ACTR3C: variants seen among roughly 807,000 people sequenced by gnomAD.
The protein encoded by ACTR3C is actin related protein 3C, also known as actin-related protein 3C.
ACTR3C carries 18 observed loss-of-function variants against 26.3 expected under a neutral mutation model. The observed-to-expected ratio is 0.68, with a 90% confidence interval of 0.47 to 1.01. The LOEUF is 1.01. ACTR3C is among the 50% of genes least tolerant of loss of function. ACTR3C has a pLI of 0.00. For missense variants in ACTR3C, 184 were observed against 250.7 expected, an observed-to-expected ratio of 0.73 and a Z score of 1.80; for synonymous variants, 55 against 94.5, an observed-to-expected ratio of 0.58 and a Z score of 2.42.
chr7:149,957,910 A>T, the ACTR3C span, among the ~76,000 whole-genome samples: 1 of 152,046 alleles, frequency 6.6e-6, no homozygotes, highest in Admixed American at 6.5e-5. Flanking sequence ...GCATAAATGG[A>T]TTCACAGTAA....
the ACTR3C span, among the ~76,000 whole-genome samples, chr7:149,897,010 G>A: frequency 6.8e-6 from 1 of 147,096 alleles, no homozygotes; most frequent in South Asian, 2.2e-4. Flanking sequence ...GCAGTGAGCT[G>A]AGATCGCGCC....
chr7:150,169,442 T>C, the ACTR3C span, among the ~76,000 whole-genome samples: 1 of 147,570 alleles, frequency 6.8e-6, no homozygotes, highest in Non-Finnish European at 1.5e-5. Context: ...GCTCCCTCTC[T>C]CTACCTTATG....
chr7:149,966,777 C>G, the ACTR3C span, among the ~76,000 whole-genome samples: 1 of 152,304 alleles, frequency 6.6e-6, no homozygotes, highest in East Asian at 1.9e-4. Context: ...TCACACACCC[C>G]TCACTAGTTC....
chr7:149,985,628 A>C, the ACTR3C span, among the ~76,000 whole-genome samples: 1 of 152,222 alleles, frequency 6.6e-6, no homozygotes, highest in Non-Finnish European at 1.5e-5. Context: ...GATCACTGGA[A>C]TCCTGGCAGT....
chr7:150,011,392 C>T, the ACTR3C span, among the ~76,000 whole-genome samples: 2 of 152,028 alleles, frequency 1.3e-5, no homozygotes, highest in African/African-American at 4.8e-5. Flanking sequence ...CAAGACGAGC[C>T]TGGCCAACAT....
chr7:150,149,101 A>AG, the ACTR3C span, among the ~76,000 whole-genome samples: 11 of 129,684 alleles, frequency 8.5e-5, no homozygotes, highest in South Asian at 2.6e-3. Flanking sequence ...ATATATATAT[A>AG]TATATATATA....
chr7:149,959,185 AG>A, the ACTR3C span, among the ~76,000 whole-genome samples: 1 of 151,698 alleles, frequency 6.6e-6, no homozygotes, highest in African/African-American at 2.4e-5. Context: ...TGTTAATCCA[AG>A]GGGCTTGGGC....
chr7:149,972,256 T>G, the ACTR3C span, among the ~76,000 whole-genome samples: 1 of 152,262 alleles, frequency 6.6e-6, no homozygotes, highest in South Asian at 2.1e-4. Flanking sequence ...GATGCCATCA[T>G]ACTTCTTTCT....
intron 4 of ACTR3C, among the ~76,000 whole-genome samples, chr7:150,287,392 G>A (rs1344364571): frequency 2.0e-5 from 3 of 152,210 alleles, no homozygotes; most frequent in African/African-American, 4.8e-5. Context: ...GAGAGAAGTC[G>A]CTAACGATTC....
the ACTR3C span, among the ~76,000 whole-genome samples, chr7:149,911,948 T>C: frequency 6.7e-6 from 1 of 149,226 alleles, no homozygotes; most frequent in African/African-American, 2.5e-5. Context: ...AGTTCGAGGT[T>C]GCAGTGAACT....
intron 1 of ACTR3C, among the ~76,000 whole-genome samples, chr7:150,316,760 A>G (rs879565661): frequency 2.6e-5 from 4 of 152,214 alleles, no homozygotes; most frequent in Non-Finnish European, 4.4e-5. Flanking sequence ...CTGGGATTAC[A>G]GGCATGAGCC....
At chr7:150,227,538 T>G in the ACTR3C span, among the ~76,000 whole-genome samples, 10 of 151,826 alleles carry the variant, frequency 6.6e-5, no homozygotes, top group East Asian at 1.9e-3. Context: ...TCATGGATCA[T>G]GATTTTGCTG....
the ACTR3C span, among the ~76,000 whole-genome samples, chr7:150,064,329 C>T: frequency 3.4e-5 from 5 of 147,220 alleles, no homozygotes; most frequent in South Asian, 4.6e-4. Flanking sequence ...CTGAGGTGGG[C>T]GGATCACCTG....
chr7:149,894,524 G>T, the ACTR3C span, among the ~76,000 whole-genome samples: 1 of 151,792 alleles, frequency 6.6e-6, no homozygotes, highest in Admixed American at 6.6e-5. Flanking sequence ...AATATATAAA[G>T]AACTCAAACA....
chr7:149,925,800 A>G, the ACTR3C span, among the ~76,000 whole-genome samples: 3 of 152,138 alleles, frequency 2.0e-5, no homozygotes, highest in Non-Finnish European at 2.9e-5. Flanking sequence ...AGTGGCTCAC[A>G]TCTATAATCC....
chr7:150,080,443 A>C, the ACTR3C span, among the ~76,000 whole-genome samples: 10 of 151,956 alleles, frequency 6.6e-5, no homozygotes, highest in African/African-American at 2.2e-4. Context: ...ATGGACACAG[A>C]ATTCAGAATG....
the ACTR3C span, among the ~76,000 whole-genome samples, chr7:150,156,409 T>C: frequency 6.6e-6 from 1 of 152,222 alleles, no homozygotes; most frequent in Admixed American, 6.5e-5. Context: ...CCTACCATTC[T>C]ATCATTATCA....
intron 6 of ACTR3C, among the ~76,000 whole-genome samples, chr7:150,266,558 A>G (rs1317066433): frequency 2.0e-5 from 3 of 152,190 alleles, no homozygotes; most frequent in Admixed American, 1.3e-4. Context: ...AGCATGAACC[A>G]TAAAAGAAAA....
At chr7:150,227,688 GTT>G in the ACTR3C span, among the ~76,000 whole-genome samples, 94 of 111,380 alleles carry the variant, frequency 8.4e-4, 3 homozygotes, top group African/African-American at 3.3e-3. Flanking sequence ...TTGTGTCTGG[GTT>G]TTTTTTTTTT....
Sources: gnomAD v4.1 joint callset for allele counts (sites outside exome capture counted in the v4.1 genomes callset) on GRCh38, gnomAD v4.1.1 for gene constraint, MANE v1.5 for transcripts, NCBI Gene and HGNC (gene_info 2026-07-23, HGNC 2026-07-21) for gene names.